Variants in IQSEC1 observed in about 807,000 individuals in gnomAD.
IQSEC1 encodes the protein IQ motif and Sec7 domain ArfGEF 1.
In IQSEC1, 31 loss-of-function variants were observed where a neutral mutation model predicts 91.0. That is an observed-to-expected ratio of 0.34 (90% CI 0.26 to 0.46). The LOEUF (loss-of-function observed/expected upper bound fraction) is 0.46, where lower values mean the gene tolerates loss of function less well. Ranked by LOEUF, IQSEC1 falls within the 20% of genes least tolerant of loss-of-function variation. The pLI is 1.00. For synonymous variants in IQSEC1, 699 were observed against 662.6 expected (o/e 1.05, Z -0.84); for missense variants, 1,388 against 1,575.6 (o/e 0.88, Z 2.02).
At chr3:13,155,616 T>A (rs1707074310) in intron 2 of IQSEC1, among the ~76,000 whole-genome samples, 1 of 152,230 alleles carries the variant, frequency 6.6e-6, no homozygotes, top group South Asian at 2.1e-4. Context: ...GCTTCCTACA[T>A]CATTCTGTGA....
intron 9 of IQSEC1, among the ~76,000 whole-genome samples, chr3:12,912,925 G>A (rs1285591035): frequency 2.0e-5 from 3 of 152,224 alleles, no homozygotes. Context: ...TCCAGGAGGT[G>A]GGGCTTGGGA....
At chr3:13,123,542 G>T (rs1706458797) in intron 2 of IQSEC1, among the ~76,000 whole-genome samples, 1 of 152,172 alleles carries the variant, frequency 6.6e-6, no homozygotes, top group Non-Finnish European at 1.5e-5. Context: ...TCGCCATTTT[G>T]GAAAATTTGG....
Position 12,908,627 on chromosome 3 carries a change from C to T in IQSEC1, c.2579-102G>A. The T allele has an allele frequency of 7.8e-7, 1 of 1,282,704 alleles. No individual in the cohort carries two copies. The highest frequency in any genetic ancestry group is 1.1e-6 in the Non-Finnish European group (1 of 909,974). 79.5% of individuals were successfully genotyped at this position (1,282,704 alleles called of 1,614,324 possible). On this transcript the variant is annotated intron_variant, in intron 11 of 13. Transcript: ENST00000613206. This position sits in a 1 kb window ranked among gnomAD's most constrained non-coding sequence, Gnocchi z 4.9. Reference sequence around the variant, plus strand: ...AGCTAGCACTGTCCTGAGCCACCATCTGCTTGGAATGGGGAAGGGTTGTTT... The same window carrying T: ...AGCTAGCACTGTCCTGAGCCACCATTTGCTTGGAATGGGGAAGGGTTGTTT...
chr3:13,049,189 C>T (rs776389791), intron 1 of IQSEC1, among the ~76,000 whole-genome samples: 4 of 152,170 alleles, frequency 2.6e-5, no homozygotes, highest in Admixed American at 6.5e-5. Context: ...ACAAGAGGAC[C>T]CAGCCCTCCA....
chr3:13,093,257 C>A (rs1705896985), intron 2 of IQSEC1, among the ~76,000 whole-genome samples: 1 of 152,142 alleles, frequency 6.6e-6, no homozygotes, highest in Admixed American at 6.5e-5. Flanking sequence ...AGAGCCTCAG[C>A]CCCATACCTG....
In IQSEC1 at chr3:12,900,593, GTC is replaced by G; in HGVS notation, c.*388_*389del. 1 of 1,028,302 alleles carries G rather than the reference GTC, an allele frequency of 9.7e-7. No homozygotes were observed. The highest frequency in any genetic ancestry group is 1.7e-5 in the African/African-American group (1 of 58,652). The allele number at this position is 1,028,302 out of a possible 1,614,324, so 63.7% of individuals were successfully genotyped here. On this transcript the variant is annotated 3_prime_UTR_variant, in exon 14 of 14. Coordinates refer to ENST00000613206, the MANE Select transcript of IQSEC1 (RefSeq NM_001134382.3). Reference sequence around the variant, plus strand: ...TGCAGCAAGTTTTGGGGTTTGTTTTGTCTGTTTTTGTATCTCATTTCTTCGTT... The same window carrying G: ...TGCAGCAAGTTTTGGGGTTTGTTTTGTGTTTTTGTATCTCATTTCTTCGTT...
chr3:12,902,881 T>A, intron 12 of IQSEC1, 59 bp from the exon 13 acceptor site: 1 of 1,269,962 alleles, frequency 7.9e-7, no homozygotes, highest in Non-Finnish European at 1.2e-6. Context: ...GGGTGCTGCC[T>A]GCCTGGTGCC....
At chr3:13,254,747 G>T (rs1695257269) in intron 1 of IQSEC1, among the ~76,000 whole-genome samples, 1 of 152,186 alleles carries the variant, frequency 6.6e-6, no homozygotes, top group African/African-American at 2.4e-5. Context: ...CGAGCAGCAG[G>T]TGGCAGAGCC....
intron 1 of IQSEC1, among the ~76,000 whole-genome samples, chr3:12,948,835 T>G (rs1428980882): frequency 6.6e-6 from 1 of 152,230 alleles, no homozygotes; most frequent in African/African-American, 2.4e-5. Flanking sequence ...CCCAAGGGCA[T>G]ATGGGCAGCT....
In IQSEC1 at chr3:13,282,500, C is replaced by A. The variant is rs369924989; in HGVS notation, c.272+211G>T. On this transcript the variant is annotated intron_variant, in intron 1 of 15. Transcript: ENST00000648114. This position sits in a 1 kb window ranked among gnomAD's most constrained non-coding sequence, Gnocchi z 6.4. Reference sequence around the variant, plus strand: ...GGAGCCCTTTTCCAGGGAACCCAGTCCCCACCCGAGATCGAGCTCCGGATC... The same window carrying A: ...GGAGCCCTTTTCCAGGGAACCCAGTACCCACCCGAGATCGAGCTCCGGATC... 6.6e-6 allele frequency among the ~76,000 whole-genome samples: 1 copy of A among 152,128 alleles called. No homozygotes were observed. Among genetic ancestry groups the A allele is most frequent in the African/African-American group, 2.4e-5 (1 of 41,552 alleles).
At chr3:13,039,921 C>T (rs762704319) in intron 1 of IQSEC1, among the ~76,000 whole-genome samples, 4 of 152,242 alleles carry the variant, frequency 2.6e-5, no homozygotes, top group Admixed American at 6.5e-5. Flanking sequence ...CACCGACTGG[C>T]CATGAGCCCT....
chr3:13,271,060 TA>T (rs1695583125), intron 1 of IQSEC1, among the ~76,000 whole-genome samples: 1 of 152,168 alleles, frequency 6.6e-6, no homozygotes, highest in Non-Finnish European at 1.5e-5. Flanking sequence ...TTCATAATGA[TA>T]AAAGGGACAA....
intron 1 of IQSEC1, among the ~76,000 whole-genome samples, chr3:13,281,147 GC>G (rs1695782586): frequency 6.6e-6 from 1 of 152,214 alleles, no homozygotes; most frequent in Non-Finnish European, 1.5e-5. Flanking sequence ...CTTGGGACCT[GC>G]CCTGGTGCCG....
chr3:13,054,006 C>A (rs1328531585), intron 1 of IQSEC1, among the ~76,000 whole-genome samples: 1 of 152,136 alleles, frequency 6.6e-6, no homozygotes, highest in African/African-American at 2.4e-5. Context: ...CTCCACTCTG[C>A]GAAACACTTT....
At chr3:12,905,302 A>G (rs1405989960) in intron 12 of IQSEC1, among the ~76,000 whole-genome samples, 1 of 152,264 alleles carries the variant, frequency 6.6e-6, no homozygotes, top group African/African-American at 2.4e-5. Flanking sequence ...CCTCAGAGTC[A>G]GGGCAGGGCG....
rs750405546 is a variant in IQSEC1, at chr3:12,920,468, C to T, written c.1982G>A (p.Arg661Gln). 1.2e-5 allele frequency: 20 copies of T among 1,614,104 alleles called. No individual in the cohort carries two copies. The highest frequency in any genetic ancestry group is 8.8e-5 in the South Asian group (8 of 91,094). ...GATGAAGTCCTCTAGCTTCATTTTCCGCTCGGGCTTGACATTGGGGCTGTA... is the reference window on the plus strand; with the variant it reads ...GATGAAGTCCTCTAGCTTCATTTTCTGCTCGGGCTTGACATTGGGGCTGTA... ...DMYSPNVKPE[R>Q]KMKLEDFIKN... The change falls in exon 6 of 14, where the codon CGG becomes CAG. Residue 661 changes from arginine to glutamine, a missense_variant. Physicochemically the swap from Arg to Gln is conservative, Grantham distance 43. This residue lies in a region of IQSEC1 where 1,059 missense variants were observed against 1,317.8 expected (regional missense o/e 0.80). Transcript: ENST00000613206.
chr3:13,040,879 G>T (rs563520521), intron 1 of IQSEC1, among the ~76,000 whole-genome samples: 1 of 152,146 alleles, frequency 6.6e-6, no homozygotes, highest in Non-Finnish European at 1.5e-5. Flanking sequence ...GACTCTGACC[G>T]CGACTCATGC....
intron 1 of IQSEC1, among the ~76,000 whole-genome samples, chr3:13,009,221 G>A (rs1046913921): frequency 6.6e-6 from 1 of 152,162 alleles, no homozygotes; most frequent in Admixed American, 6.5e-5. Flanking sequence ...CTGGTGACTC[G>A]CCCTAGGTCA....
chr3:13,031,475 C>A (rs1576191680), intron 1 of IQSEC1, among the ~76,000 whole-genome samples: 2 of 152,330 alleles, frequency 1.3e-5, no homozygotes, highest in South Asian at 4.1e-4. Flanking sequence ...CACAGTGGGG[C>A]AAGACAGTGT....
Sources: allele counts gnomAD v4.1 joint callset (sites outside exome capture counted in the v4.1 genomes callset), GRCh38; gene constraint gnomAD v4.1.1; regional missense constraint gnomAD v4.1.1; non-coding constraint Gnocchi (gnomAD v3.1); transcripts MANE v1.5; gene names NCBI Gene and HGNC (gene_info 2026-07-23, HGNC 2026-07-21).